The following NHSL1 variants were observed in gnomAD, a reference collection of about 807,000 sequenced individuals.
NHSL1 encodes NHS like 1, also known as NHS-like protein 1.
NHSL1 carries 48 observed loss-of-function variants against 95.0 expected under a neutral mutation model. That is an observed-to-expected ratio of 0.51 (90% confidence interval 0.40 to 0.64). The LOEUF is 0.64. Ranked by LOEUF, NHSL1 falls within the 30% of genes least tolerant of loss-of-function variation. The pLI is 0.00. For missense variants in NHSL1, 1,971 were observed against 2,077.7 expected, an observed-to-expected ratio of 0.95 and a Z score of 1.00; for synonymous variants, 783 against 833.9, an observed-to-expected ratio of 0.94 and a Z score of 1.05.
upstream of NHSL1, among the ~76,000 whole-genome samples, chr6:138,572,965 C>A (rs1021147507): frequency 6.6e-5 from 10 of 152,060 alleles, no homozygotes; most frequent in African/African-American, 1.7e-4. Context: ...TATAACGGAC[C>A]CGGCTATTCA....
intron 1 of NHSL1, among the ~76,000 whole-genome samples, chr6:138,497,694 A>G (rs1402594404): frequency 6.6e-6 from 1 of 152,316 alleles, no homozygotes; most frequent in East Asian, 1.9e-4. Flanking sequence ...TGTGGCAGGA[A>G]CAGTAAAAAT....
At chr6:138,478,272 C>T (rs984072187) in intron 2 of NHSL1, among the ~76,000 whole-genome samples, 2 of 151,840 alleles carry the variant, frequency 1.3e-5, no homozygotes, top group Non-Finnish European at 2.9e-5. Context: ...TGAACCACCG[C>T]GCTGGCCATA....
chr6:138,465,054 C>CAAA lies in NHSL1; in HGVS notation c.339+8249_339+8251dup, dbSNP rs35195031. Among the ~76,000 whole-genome samples the CAAA allele has an allele frequency of 2.4e-3, 245 of 100,974 alleles. 1 individual carries two copies. Among genetic ancestry groups the CAAA allele is most frequent in the Admixed American group, 6.2e-3 (66 of 10,582 alleles). 66.2% of individuals were successfully genotyped at this position (100,974 alleles called of 152,430 possible). On this transcript the variant is annotated intron_variant, in intron 3 of 7. Transcript: ENST00000343505. ...TTACATAAAGCAATATGTATGCCTT[C>CAAA]AAAAAAAAAAAAAAAAAGAATGAAT...
chr6:138,665,545 A>G (rs1785283185), intron 1 of NHSL1, among the ~76,000 whole-genome samples: 1 of 152,214 alleles, frequency 6.6e-6, no homozygotes, highest in South Asian at 2.1e-4. Context: ...TGCCTGACTC[A>G]CAGTGCTGCT....
intron 1 of NHSL1, among the ~76,000 whole-genome samples, chr6:138,535,373 C>T (rs185450200): frequency 2.7e-4 from 41 of 151,996 alleles, no homozygotes; most frequent in Non-Finnish European, 5.3e-4. Flanking sequence ...AGACCAGTCT[C>T]GGCAACACAG....
chr6:138,644,516 AG>A (rs1324150840), intron 1 of NHSL1, among the ~76,000 whole-genome samples: 2 of 152,246 alleles, frequency 1.3e-5, no homozygotes, highest in African/African-American at 4.8e-5. Context: ...AACAAAAAAA[AG>A]CAATTTCTTC....
chr6:138,577,044 TG>T (rs1783982400), upstream of NHSL1, among the ~76,000 whole-genome samples: 1 of 152,236 alleles, frequency 6.6e-6, no homozygotes, highest in South Asian at 2.1e-4. Context: ...CCCATGAATT[TG>T]GAAAGATTTA....
intron 1 of NHSL1, among the ~76,000 whole-genome samples, chr6:138,564,645 TG>T (rs1783538336): frequency 7.4e-6 from 1 of 134,390 alleles, no homozygotes; most frequent in Admixed American, 6.9e-5. Flanking sequence ...CACTTAGCCT[TG>T]GGGATAAAAA....
chr6:138,466,048 G>GGGT (rs1554229071), intron 3 of NHSL1, among the ~76,000 whole-genome samples: 5 of 139,346 alleles, frequency 3.6e-5, no homozygotes, highest in Admixed American at 7.5e-5. Context: ...TTTTGGGGGG[G>GGGT]GGGCAGGGGG....
At chr6:138,514,901 C>T (rs978832489) in intron 1 of NHSL1, among the ~76,000 whole-genome samples, 16 of 151,944 alleles carry the variant, frequency 1.1e-4, no homozygotes, top group African/African-American at 3.1e-4. Context: ...CCAGCCTGGG[C>T]GACAACACAA....
intron 1 of NHSL1, chr6:138,650,788 T>G (rs1785082066): frequency 1.8e-6 from 1 of 543,432 alleles, no homozygotes; most frequent in Non-Finnish European, 3.8e-6. Flanking sequence ...TCACCCTTGT[T>G]GGAAACCTGC....
chr6:138,563,651 G>A (rs973724582), intron 1 of NHSL1, among the ~76,000 whole-genome samples: 6 of 152,164 alleles, frequency 3.9e-5, no homozygotes, highest in Admixed American at 2.6e-4. Context: ...CCTGCTACTG[G>A]TATGCATGTA....
At chr6:138,476,694 G>A (rs983161698) in intron 2 of NHSL1, among the ~76,000 whole-genome samples, 5 of 152,022 alleles carry the variant, frequency 3.3e-5, no homozygotes, top group African/African-American at 1.2e-4. Context: ...CGGGTATAGT[G>A]GTGGGTACCT....
intron 7 of NHSL1, among the ~76,000 whole-genome samples, chr6:138,426,919 G>A (rs903528506): frequency 2.0e-5 from 3 of 152,160 alleles, no homozygotes; most frequent in East Asian, 3.9e-4. Context: ...CTAACATCTC[G>A]AAACTGTAGA....
chr6:138,673,015 A>G (rs1378080321), intron 1 of NHSL1, among the ~76,000 whole-genome samples: 1 of 113,218 alleles, frequency 8.8e-6, no homozygotes, highest in Non-Finnish European at 1.8e-5. Flanking sequence ...TGTCTCATAG[A>G]TAGCTAGATA....
intron 1 of NHSL1, among the ~76,000 whole-genome samples, chr6:138,654,628 T>A (rs1177517209): frequency 6.6e-6 from 1 of 152,214 alleles, no homozygotes; most frequent in African/African-American, 2.4e-5. Flanking sequence ...CATATCATTG[T>A]TTCTCAATGA....
At chr6:138,659,947 C>T (rs1254183884) in intron 1 of NHSL1, among the ~76,000 whole-genome samples, 1 of 152,174 alleles carries the variant, frequency 6.6e-6, no homozygotes, top group African/African-American at 2.4e-5. Context: ...AACTCCTGAC[C>T]TCAAATAATC....
chr6:138,650,745 T>A, intron 1 of NHSL1: 3 of 546,024 alleles, frequency 5.5e-6, no homozygotes, highest in Non-Finnish European at 7.5e-6. Flanking sequence ...ATAGGAGGTC[T>A]CCTTCACAAC....
chr6:138,575,195 G>A (rs906150434), upstream of NHSL1, among the ~76,000 whole-genome samples: 1 of 152,096 alleles, frequency 6.6e-6, no homozygotes, highest in East Asian at 1.9e-4. Flanking sequence ...CACCGTGCCT[G>A]GTCCAAGTGC....
Sources: gnomAD v4.1 joint callset for allele counts (sites outside exome capture counted in the v4.1 genomes callset) on GRCh38, gnomAD v4.1.1 for gene constraint, MANE v1.5 for transcripts, NCBI Gene and HGNC (gene_info 2026-07-23, HGNC 2026-07-21) for gene names.